Variants in ZBTB46 observed in about 807,000 individuals in gnomAD.
ZBTB46 encodes the protein zinc finger and BTB domain containing 46, also known as zinc finger and BTB domain-containing protein 46.
ZBTB46 carries 8 observed loss-of-function variants against 44.1 expected under a neutral mutation model. The observed-to-expected ratio is 0.18, with a 90% CI of 0.11 to 0.33. ZBTB46 has a LOEUF of 0.33. ZBTB46 is among the 10% of genes least tolerant of loss of function. The pLI, the probability that ZBTB46 is intolerant of heterozygous loss-of-function variation, is 1.00. For synonymous variants in ZBTB46, 409 were observed against 382.3 expected (o/e 1.07, Z -0.81); for missense variants, 651 against 847.7 (o/e 0.77, Z 2.88).
chr20:63,806,641 C>A (rs945062092), intron 1 of ZBTB46, among the ~76,000 whole-genome samples: 2 of 152,116 alleles, frequency 1.3e-5, no homozygotes, highest in Non-Finnish European at 2.9e-5. Context: ...TGGAATCTGG[C>A]TCTGTCACCC....
chr20:63,775,583 A>G, intron 3 of ZBTB46, 95 bp downstream of exon 3: 1 of 1,461,332 alleles, frequency 6.8e-7, no homozygotes, highest in African/African-American at 1.4e-5. Flanking sequence ...CAGCAGGGAC[A>G]GACCCTCAGC....
At position 63,810,985 on chromosome 20, in the gene ZBTB46, C is replaced by T. The variant is rs559574036; in HGVS notation, c.-34+20112G>A. The stretch of plus-strand genomic sequence containing the variant: ...TCCTCACTCCTACGAGGAGCTCCAG[C>T]GGCAGAGCCGGAGAACACTGGAGAG... On this transcript the variant is annotated intron_variant, in intron 1 of 4. Transcript: ENST00000245663. Among the ~76,000 whole-genome samples the T allele has an allele frequency of 3.9e-5, 6 of 152,238 alleles. No individual in the cohort carries two copies. In the East Asian group the frequency reaches 7.7e-4, roughly 20 times the overall value.
intron 1 of ZBTB46, among the ~76,000 whole-genome samples, chr20:63,808,843 T>C (rs1454097524): frequency 1.3e-5 from 2 of 149,336 alleles, no homozygotes; most frequent in Non-Finnish European, 1.5e-5. Context: ...CCGGGCGTGG[T>C]GGGGGCGCCT....
intron 1 of ZBTB46, among the ~76,000 whole-genome samples, chr20:63,825,788 C>T (rs768925421): frequency 2.0e-5 from 3 of 152,180 alleles, no homozygotes; most frequent in African/African-American, 4.8e-5. Flanking sequence ...GGGAAAGCGG[C>T]GAATCAACAC....
At chr20:63,806,407 C>CAAAAAAAAAAAAAAA (rs58233169) in intron 1 of ZBTB46, among the ~76,000 whole-genome samples, 3 of 91,448 alleles carry the variant, frequency 3.3e-5, no homozygotes, top group Non-Finnish European at 4.5e-5. Flanking sequence ...AACTCCATCT[C>CAAAAAAAAAAAAAAA]AAAAAAAAAA....
At chr20:63,757,004 G>A in intron 3 of ZBTB46, among the ~76,000 whole-genome samples, 1 of 152,086 alleles carries the variant, frequency 6.6e-6, no homozygotes, top group East Asian at 1.9e-4. Context: ...GCGGGGAAGG[G>A]GGGCTTCTGG....
intron 4 of ZBTB46, among the ~76,000 whole-genome samples, chr20:63,749,537 C>A (rs559452676): frequency 6.6e-6 from 1 of 152,138 alleles, no homozygotes; most frequent in African/African-American, 2.4e-5. Context: ...GGGGTTTCAC[C>A]GTGTTAGCCA....
At position 63,775,665 on chromosome 20, in the gene ZBTB46, G is replaced by A; in HGVS notation, c.1222+13C>T. On this transcript the variant is annotated intron_variant, in intron 3 of 4. Transcript: ENST00000245663. ...CACACCAAAGCCAAGCGGCCCCCAG[G>A]GCCTGCACTTACGGGACAGCGAGTG... 6.5e-7 allele frequency: 1 copy of A among 1,549,406 alleles called. No homozygotes were observed. The highest frequency in any genetic ancestry group is 2.3e-5 in the East Asian group (1 of 44,226).
At position 63,746,606 on chromosome 20, in the gene ZBTB46, G is replaced by C. The variant is rs545411452; in HGVS notation, c.*324C>G. Reference sequence around the variant, plus strand: ...CTGGACCCGGCCACAGGCCCATCACGTGTCCAAGCCAGGCTGGCCATCACA... The same window carrying C: ...CTGGACCCGGCCACAGGCCCATCACCTGTCCAAGCCAGGCTGGCCATCACA... On this transcript the variant is annotated 3_prime_UTR_variant, in exon 5 of 5. Coordinates refer to ENST00000245663, the MANE Select transcript of ZBTB46 (RefSeq NM_001369741.1). 3.2e-6 allele frequency: 1 copy of C among 313,298 alleles called. No individual in the cohort carries two copies. Among genetic ancestry groups the C allele is most frequent in the Admixed American group, 5.0e-5 (1 of 20,090 alleles). 19.4% of individuals were successfully genotyped at this position (313,298 alleles called of 1,614,324 possible).
intron 1 of ZBTB46, among the ~76,000 whole-genome samples, chr20:63,816,078 A>G (rs1160996721): frequency 1.6e-4 from 15 of 91,144 alleles, no homozygotes; most frequent in Non-Finnish European, 3.1e-4. Context: ...TGCAGTGGGC[A>G]CAGGTGGGCA....
intron 3 of ZBTB46, among the ~76,000 whole-genome samples, chr20:63,771,690 G>A (rs1601430771): frequency 1.3e-5 from 2 of 152,276 alleles, no homozygotes; most frequent in Non-Finnish European, 1.5e-5. Flanking sequence ...TGGTGTCCAC[G>A]GTTTACTCCC....
rs1481147611 is a variant in ZBTB46, at chr20:63,745,836, A to G, written c.*1094T>C. 6.6e-6 allele frequency: 1 copy of G among 152,446 alleles called. No homozygotes were observed. Among genetic ancestry groups the G allele is most frequent in the Non-Finnish European group, 1.5e-5 (1 of 68,056 alleles). The allele number at this position is 152,446 out of a possible 1,614,324, so 9.4% of individuals were successfully genotyped here. ...CTTTTCACTCAGGAAAAGAAAGAAC[A>G]TGTGAGTGCTTCTGAAAACACAGCA... is the stretch of plus-strand genomic sequence containing the variant. On this transcript the variant is annotated 3_prime_UTR_variant, in exon 5 of 5. Transcript: ENST00000245663.
intron 2 of ZBTB46, among the ~76,000 whole-genome samples, chr20:63,785,398 T>C (rs1008902924): frequency 1.3e-5 from 2 of 150,754 alleles, no homozygotes; most frequent in Admixed American, 1.3e-4. Context: ...CCGTCTCTAC[T>C]AAAAATACAG....
At chr20:63,786,792 G>C (rs568594475) in intron 2 of ZBTB46, among the ~76,000 whole-genome samples, 41 of 152,258 alleles carry the variant, frequency 2.7e-4, no homozygotes, top group Admixed American at 2.6e-4. Context: ...TTACAGGCGT[G>C]AGCCACCCCG....
chr20:63,772,740 C>T (rs1601433052), intron 3 of ZBTB46, among the ~76,000 whole-genome samples: 1 of 84,050 alleles, frequency 1.2e-5, no homozygotes, highest in African/African-American at 5.1e-5. Context: ...CACACACACA[C>T]ACACACACAC....
intron 2 of ZBTB46, among the ~76,000 whole-genome samples, chr20:63,779,225 T>A (rs1446382931): frequency 2.1e-4 from 7 of 33,184 alleles, no homozygotes; most frequent in Non-Finnish European, 3.8e-4. Context: ...TTTTATTTTA[T>A]TTAATTAATT....
intron 3 of ZBTB46, among the ~76,000 whole-genome samples, chr20:63,762,266 A>G: frequency 6.6e-6 from 1 of 152,214 alleles, no homozygotes; most frequent in East Asian, 1.9e-4. Context: ...TTGCTGTTCT[A>G]TCAATTACTG....
intron 2 of ZBTB46, among the ~76,000 whole-genome samples, chr20:63,784,330 TTGCAGGCAG>T (rs2145903608): frequency 6.6e-6 from 1 of 152,304 alleles, no homozygotes; most frequent in Admixed American, 6.5e-5. Flanking sequence ...GACAGGAGGC[TTGCAGGCAG>T]TGCTAGGCAC....
chr20:63,782,096 A>AAAAAAAAAAAAT, intron 2 of ZBTB46, among the ~76,000 whole-genome samples: 1 of 124,974 alleles, frequency 8.0e-6, no homozygotes, highest in African/African-American at 2.9e-5. Flanking sequence ...CAAAAAAAAA[A>AAAAAAAAAAAAT]AAAAGAAAAG....
Sources: allele counts gnomAD v4.1 joint callset (sites outside exome capture counted in the v4.1 genomes callset), GRCh38; gene constraint gnomAD v4.1.1; transcripts MANE v1.5; gene names NCBI Gene and HGNC (gene_info 2026-07-23, HGNC 2026-07-21).